The following ITGA7 variants were observed in gnomAD, a reference collection of about 807,000 sequenced individuals.
ITGA7 encodes integrin alpha-7.
Under a neutral mutation model 131.6 loss-of-function variants are expected in ITGA7, and 84 were observed. The observed-to-expected ratio is 0.64, with a 90% CI of 0.54 to 0.77. The LOEUF (loss-of-function observed/expected upper bound fraction) is 0.77, where lower values mean the gene tolerates loss of function less well. Ranked by LOEUF, ITGA7 falls within the 30% of genes least tolerant of loss-of-function variation. ITGA7 has a pLI of 0.00. For missense variants in ITGA7, 1,399 were observed against 1,482.9 expected (o/e 0.94, Z 0.93); for synonymous variants, 548 against 600.7 (o/e 0.91, Z 1.28).
chr12:55,687,627 T>C (rs1870512308), intron 24 of ITGA7, among the ~76,000 whole-genome samples: 1 of 151,198 alleles, frequency 6.6e-6, no homozygotes, highest in Non-Finnish European at 1.5e-5. Context: ...AGTAGCTGGA[T>C]CTACAGGTGC....
intron 24 of ITGA7, 115 bp downstream of exon 24, chr12:55,687,856 T>C: frequency 7.3e-6 from 10 of 1,364,510 alleles, no homozygotes; most frequent in Non-Finnish European, 9.4e-6. Context: ...GGGCAAGTGT[T>C]CAGTGCAGAT....
rs1872889898 is a variant in ITGA7 at position 55,697,455 on chromosome 12, C to T, written c.1501G>A (p.Val501Ile). Residue 501 changes from valine to isoleucine, a missense_variant, in exon 10 of 25, where the codon GTC becomes ATC. Val to Ile is a conservative substitution (Grantham distance 29). Coordinates refer to ENST00000257879, the MANE Select transcript of ITGA7 (RefSeq NM_002206.3). ...EQPNCAGGHS[V>I]CVDLRVCFSY... is the part of the protein sequence containing the mutation. ...TGCCACCCGATCCCACCTCACCAGA[C>T]CGAGTGGCCGCCAGCACAGTTGGGC... 6.2e-7 allele frequency: 1 copy of T among 1,613,848 alleles called. No individual in the cohort carries two copies. The highest frequency in any genetic ancestry group is 1.3e-5 in the African/African-American group (1 of 74,918).
intron 19 of ITGA7, among the ~76,000 whole-genome samples, 176 bp from the exon 20 acceptor site, chr12:55,693,493 C>T (rs1391022561): frequency 6.6e-6 from 1 of 151,820 alleles, no homozygotes; most frequent in Non-Finnish European, 1.5e-5. Flanking sequence ...AGCCACCGTG[C>T]CCAGCCAAGG....
chr12:55,716,055 G>A (rs933348517), upstream of ITGA7: 1 of 1,556,080 alleles, frequency 6.4e-7, no homozygotes, highest in Non-Finnish European at 8.7e-7. Flanking sequence ...ACGTGACATG[G>A]CCCCGGGGAG....
chr12:55,712,001 T>C, upstream of ITGA7: 1 of 1,322,914 alleles, frequency 7.6e-7, no homozygotes, highest in Non-Finnish European at 1.1e-6. Context: ...GGAGCTTATG[T>C]CCCAAGGTCA....
rs180841797 is a variant in ITGA7 at position 55,699,994 on chromosome 12, G to A, written c.671-5C>T. On this transcript the variant is annotated splice_region_variant and splice_polypyrimidine_tract_variant and intron_variant, in intron 4 of 24. Transcript: ENST00000257879. ...TGTTGGTCACAAAAAGCAACCCTGT[G>A]GGGGGTGGGGTGAGACACCAGGGAG... 1.7e-5 allele frequency: 28 copies of A among 1,613,784 alleles called. No individual in the cohort carries two copies. Among genetic ancestry groups the A allele is most frequent in the East Asian group, 2.2e-5 (1 of 44,886 alleles).
intron 22 of ITGA7, 108 bp downstream of exon 22, chr12:55,688,736 A>ATG: frequency 3.0e-6 from 2 of 660,942 alleles, no homozygotes; most frequent in Non-Finnish European, 5.0e-6. Flanking sequence ...AAAAAAAAAA[A>ATG]GGGGGGGGAT....
At position 55,694,950 on chromosome 12, in the gene ITGA7, G is replaced by C. The variant is rs757891625; in HGVS notation, c.2024C>G (p.Ala675Gly). Residue 675 changes from alanine to glycine, a missense_variant, in exon 15 of 25, where the codon GCC (alanine) becomes GGC (glycine). By Grantham distance (60) the Ala-to-Gly change is moderately conservative. Transcript: ENST00000257879. This position sits in a 1 kb window ranked among gnomAD's most constrained non-coding sequence, Gnocchi z 5.3. The stretch of plus-strand genomic sequence containing the variant: ...TGGCTGCCCACTCAGTGCAAACAGG[G>C]CTGTTGTTCCATCCACATCCCTGGA... Reference protein sequence around the residue: ...PLPMDVDGTTALFALSGQPVI... With the variant: ...PLPMDVDGTTGLFALSGQPVI... 5.5e-5 allele frequency: 88 copies of C among 1,613,664 alleles called. No homozygotes were observed. The highest frequency in any genetic ancestry group is 7.0e-5 in the Non-Finnish European group (83 of 1,179,978).
At chr12:55,699,625 C>G in intron 5 of ITGA7, 1 of 561,880 alleles carries the variant, frequency 1.8e-6, no homozygotes, top group Non-Finnish European at 3.2e-6. Context: ...CCCTCTCATT[C>G]CACCTGAATC....
At chr12:55,698,166 A>G (rs749686087) in intron 7 of ITGA7, 140 bp from the exon 8 acceptor site, 2 of 901,490 alleles carry the variant, frequency 2.2e-6, no homozygotes, top group South Asian at 1.5e-5. Context: ...TACATACATC[A>G]TCTTTAATCC....
At chr12:55,701,195 C>T in intron 3 of ITGA7, 41 bp from the exon 4 acceptor site, 2 of 1,613,946 alleles carry the variant, frequency 1.2e-6, no homozygotes, top group Non-Finnish European at 1.7e-6. Context: ...CTCTGTGGGC[C>T]AGGGACCTGC....
intron 14 of ITGA7, 75 bp from the exon 15 acceptor site, chr12:55,695,045 C>T (rs1306565102): frequency 3.3e-5 from 47 of 1,424,844 alleles, no homozygotes; most frequent in Non-Finnish European, 3.4e-5. Context: ...TCTGCTCCCC[C>T]AGTACCTGCC....
chr12:55,703,514 T>A (rs1169248111), intron 1 of ITGA7, among the ~76,000 whole-genome samples: 1 of 152,096 alleles, frequency 6.6e-6, no homozygotes, highest in Non-Finnish European at 1.5e-5. Context: ...CACCTGTTCC[T>A]GAGTAGGCCT....
intron 1 of ITGA7, 106 bp downstream of exon 1, chr12:55,707,371 G>T: frequency 1.1e-6 from 1 of 918,262 alleles, no homozygotes; most frequent in Non-Finnish European, 1.7e-6. Flanking sequence ...GGGCAGTCTA[G>T]GTCTTGGTGG....
intron 1 of ITGA7, among the ~76,000 whole-genome samples, chr12:55,704,231 C>A (rs1874703022): frequency 6.6e-6 from 1 of 152,336 alleles, no homozygotes; most frequent in African/African-American, 2.4e-5. Flanking sequence ...GGGCAAGGCC[C>A]AAAACCATGT....
intron 14 of ITGA7, 100 bp downstream of exon 14, chr12:55,695,422 A>G: frequency 1.2e-6 from 1 of 857,928 alleles, no homozygotes; most frequent in Non-Finnish European, 1.9e-6. Context: ...CCTTTTCTGC[A>G]GGCTCAGCCC....
upstream of ITGA7, chr12:55,715,781 C>T (rs1876467513): frequency 2.7e-6 from 1 of 375,220 alleles, no homozygotes. Context: ...TTAAATGAGG[C>T]CAGGGAGCTT....
Position 55,685,300 on chromosome 12 carries a change from C to G in ITGA7, c.3184-12G>C, listed in dbSNP as rs3852533. 845,679 of 1,612,502 alleles carry G rather than the reference C, an allele frequency of 0.52. 231,849 individuals are homozygous for G. The highest frequency in any genetic ancestry group is 0.93 in the East Asian group (41,929 of 44,854). On this transcript the variant is annotated splice_polypyrimidine_tract_variant and intron_variant, in intron 24 of 24. Transcript: ENST00000257879. ...TTGAAGAATCCCATCTATAAGGACA[C>G]CAGGCCAGACCATGAGGAGCCTGAA... is the stretch of plus-strand genomic sequence containing the variant.
upstream of ITGA7, chr12:55,716,076 C>T (rs779038442): frequency 1.9e-6 from 3 of 1,573,038 alleles, no homozygotes; most frequent in African/African-American, 2.7e-5. Flanking sequence ...CCGAGGTGAG[C>T]GTTCCAGCTT....
Sources: gnomAD v4.1 joint callset for allele counts (sites outside exome capture counted in the v4.1 genomes callset) on GRCh38, gnomAD v4.1.1 for gene constraint, Gnocchi (gnomAD v3.1) non-coding constraint, MANE v1.5 for transcripts, NCBI Gene and HGNC (gene_info 2026-07-23, HGNC 2026-07-21) for gene names.